The following TBCA variants were observed in gnomAD, a reference collection of about 807,000 sequenced individuals.
The protein encoded by TBCA is tubulin-specific chaperone A.
Under a neutral mutation model 15.8 loss-of-function variants are expected in TBCA, and 6 were observed. That is an observed-to-expected ratio of 0.38 (90% confidence interval 0.21 to 0.75). The LOEUF is 0.75. Among genes scored for constraint, TBCA ranks in the 30% least tolerant of loss-of-function variants. TBCA has a pLI of 0.46. For synonymous variants in TBCA, 32 were observed against 42.3 expected (o/e 0.76, Z 0.94); for missense variants, 90 against 131.2 (o/e 0.69, Z 1.53).
chr5:77,727,652 C>T (rs943633770), intron 1 of TBCA, among the ~76,000 whole-genome samples: 4 of 152,010 alleles, frequency 2.6e-5, no homozygotes, highest in Non-Finnish European at 5.9e-5. Context: ...GATTAAGAAA[C>T]ATAAAAAGGC....
At chr5:77,712,843 C>T (rs1746313708) in intron 1 of TBCA, among the ~76,000 whole-genome samples, 1 of 152,130 alleles carries the variant, frequency 6.6e-6, no homozygotes, top group South Asian at 2.1e-4. Context: ...ATATACATTA[C>T]TTTTATAAAA....
At chr5:77,702,861 C>T (rs1160587506) in intron 2 of TBCA, among the ~76,000 whole-genome samples, 1 of 152,116 alleles carries the variant, frequency 6.6e-6, no homozygotes, top group African/African-American at 2.4e-5. Context: ...GAGACAAACA[C>T]ATTTTCTTGG....
At chr5:77,703,372 G>A (rs192992403) in intron 2 of TBCA, among the ~76,000 whole-genome samples, 4 of 152,192 alleles carry the variant, frequency 2.6e-5, no homozygotes, top group Admixed American at 1.3e-4. Context: ...CCAAGTGAGG[G>A]CAAAACCCTC....
At chr5:77,757,030 C>T (rs1390977627) in intron 1 of TBCA, among the ~76,000 whole-genome samples, 1 of 152,082 alleles carries the variant, frequency 6.6e-6, no homozygotes, top group East Asian at 1.9e-4. Flanking sequence ...GAAACAAATA[C>T]AGAAACCAAG....
At position 77,750,363 on chromosome 5, in the gene TBCA, C is replaced by T. The variant is rs182505628; in HGVS notation, c.53+25842G>A. On this transcript the variant is annotated intron_variant, in intron 1 of 3. Transcript: ENST00000380377. Reference sequence around the variant, plus strand: ...TCACAAAGTAAATTCATTCATTTTACAATATTTATCAAGATTTCTTTTTGT... The same window carrying T: ...TCACAAAGTAAATTCATTCATTTTATAATATTTATCAAGATTTCTTTTTGT... Among the ~76,000 whole-genome samples the T allele has an allele frequency of 7.2e-5, 11 of 152,154 alleles. No individual in the cohort carries two copies. In the East Asian group the frequency reaches 1.5e-3, roughly 21 times the overall value.
At chr5:77,692,385 G>A in intron 3 of TBCA, 1 of 983,840 alleles carries the variant, frequency 1.0e-6, no homozygotes, top group Non-Finnish European at 1.2e-6. Context: ...CTCTTCAAGG[G>A]CAGAGATATT....
intron 1 of TBCA, among the ~76,000 whole-genome samples, chr5:77,743,778 C>T (rs1747104679): frequency 1.3e-5 from 2 of 152,178 alleles, no homozygotes; most frequent in Admixed American, 6.5e-5. Context: ...ACCACAACCT[C>T]TTCTGGGAGT....
chr5:77,747,327 T>C (rs1271119375), intron 1 of TBCA, among the ~76,000 whole-genome samples: 1 of 152,118 alleles, frequency 6.6e-6, no homozygotes, highest in Non-Finnish European at 1.5e-5. Flanking sequence ...CTAGCATTTA[T>C]TCATTTCAAA....
chr5:77,750,131 G>GCT (rs146241816), intron 1 of TBCA, among the ~76,000 whole-genome samples: 9 of 143,860 alleles, frequency 6.3e-5, no homozygotes, highest in East Asian at 2.2e-4. Flanking sequence ...GCAAATTTGT[G>GCT]CTCTCTCTCT....
At chr5:77,722,624 C>G (rs1746551132) in intron 1 of TBCA, among the ~76,000 whole-genome samples, 1 of 151,948 alleles carries the variant, frequency 6.6e-6, no homozygotes, top group Non-Finnish European at 1.5e-5. Flanking sequence ...CTCAACCCTT[C>G]CCAAACTAAT....
At chr5:77,768,690 G>T (rs1010480826) in intron 1 of TBCA, among the ~76,000 whole-genome samples, 12 of 152,212 alleles carry the variant, frequency 7.9e-5, no homozygotes, top group African/African-American at 2.9e-4. Context: ...TTCTGAGTGA[G>T]GCTGCTAAAT....
chr5:77,751,145 GTCTT>G (rs1461887260), intron 1 of TBCA, among the ~76,000 whole-genome samples: 53 of 140,520 alleles, frequency 3.8e-4, no homozygotes, highest in African/African-American at 1.3e-3. Context: ...GGCCTGACCA[GTCTT>G]TCTTTCTTTC....
chr5:77,717,906 G>T (rs1186764548), intron 1 of TBCA, among the ~76,000 whole-genome samples: 1 of 151,734 alleles, frequency 6.6e-6, no homozygotes, highest in East Asian at 1.9e-4. Context: ...GAGGCCGGCA[G>T]ATCACCTGAG....
At chr5:77,706,610 T>A (rs528458021) in intron 2 of TBCA, among the ~76,000 whole-genome samples, 4 of 150,826 alleles carry the variant, frequency 2.7e-5, no homozygotes, top group South Asian at 4.2e-4. Flanking sequence ...AGGTCAGGAG[T>A]TCAACAGCCT....
At chr5:77,692,645 G>C (rs1334883475) in intron 3 of TBCA, 1 of 985,070 alleles carries the variant, frequency 1.0e-6, no homozygotes, top group Non-Finnish European at 1.2e-6. Flanking sequence ...ATTCATGAGA[G>C]AAAAAAGCAT....
chr5:77,705,694 G>A, intron 2 of TBCA: 1 of 397,304 alleles, frequency 2.5e-6, no homozygotes, highest in East Asian at 3.6e-5. Flanking sequence ...CAGGCATGGT[G>A]GCACACATCT....
At chr5:77,742,770 A>G (rs1747083445) in intron 1 of TBCA, among the ~76,000 whole-genome samples, 2 of 152,216 alleles carry the variant, frequency 1.3e-5, no homozygotes, top group African/African-American at 4.8e-5. Context: ...CTCGATCTCA[A>G]TGTAGCTCTT....
At chr5:77,726,529 C>T (rs1746634039) in intron 1 of TBCA, among the ~76,000 whole-genome samples, 1 of 152,078 alleles carries the variant, frequency 6.6e-6, no homozygotes, top group Non-Finnish European at 1.5e-5. Flanking sequence ...AAACTGAAAA[C>T]CTCTATTAAA....
chr5:77,718,760 G>C (rs1039594877), intron 1 of TBCA, among the ~76,000 whole-genome samples: 1 of 152,152 alleles, frequency 6.6e-6, no homozygotes, highest in Non-Finnish European at 1.5e-5. Flanking sequence ...AAACAAAAGT[G>C]TGCTACCCAG....
Sources: allele counts gnomAD v4.1 joint callset (sites outside exome capture counted in the v4.1 genomes callset), GRCh38; gene constraint gnomAD v4.1.1; transcripts MANE v1.5; gene names NCBI Gene and HGNC (gene_info 2026-07-23, HGNC 2026-07-21).